Variants in NT5C2 observed in about 807,000 individuals in gnomAD.
NT5C2 encodes the protein 5'-nucleotidase, cytosolic II.
Under a neutral mutation model 76.1 loss-of-function variants are expected in NT5C2, and 58 were observed. The ratio of observed to expected loss-of-function variants is 0.76; its 90% confidence interval spans 0.62 to 0.95. The LOEUF is 0.95. Among genes scored for constraint, NT5C2 ranks in the 40% least tolerant of loss-of-function variants. The pLI, the probability that NT5C2 is intolerant of heterozygous loss-of-function variation, is 0.00. For synonymous variants in NT5C2, 229 were observed against 237.4 expected, an observed-to-expected ratio of 0.96 and a Z score of 0.32; for missense variants, 478 against 690.3, an observed-to-expected ratio of 0.69 and a Z score of 3.45.
chr10:103,112,236 A>G (rs2073202336), intron 4 of NT5C2, among the ~76,000 whole-genome samples: 1 of 152,226 alleles, frequency 6.6e-6, no homozygotes, highest in Non-Finnish European at 1.5e-5. Flanking sequence ...AATAAAGGAT[A>G]CAAATACCAG....
rs556412702 is a variant in NT5C2 at position 103,128,004 on chromosome 10, C to G, written c.175+11402G>C. 6.6e-5 allele frequency among the ~76,000 whole-genome samples: 10 copies of G among 151,462 alleles called. No homozygotes were observed. The East Asian group carries it at 1.9e-3, about 29-fold the overall frequency. Reference sequence around the variant, plus strand: ...CCACTGTACCCATACCCACCCCCTGCAAAAACAAACAAACAAAAACTGTAT... The same window carrying G: ...CCACTGTACCCATACCCACCCCCTGGAAAAACAAACAAACAAAAACTGTAT... On this transcript the variant is annotated intron_variant, in intron 4 of 18. Coordinates refer to ENST00000404739, the MANE Select transcript of NT5C2 (RefSeq NM_001351169.2).
intron 2 of NT5C2, chr10:103,175,912 G>C (rs1209079289): frequency 6.4e-6 from 1 of 156,478 alleles, no homozygotes; most frequent in African/African-American, 2.4e-5. Context: ...GCAGGAGCAA[G>C]GTGCCTGTAG....
Position 103,153,885 on chromosome 10 carries a change from A to AT in NT5C2, c.102-14407dup, listed in dbSNP as rs1295309231. ...TCATATTACAGGAGGAACCTAAAGT[A>AT]TTTCCACAGCGAGGTATTTTTTTTT... On this transcript the variant is annotated intron_variant, in intron 3 of 18. Transcript: ENST00000404739. 1.2e-5 allele frequency: 8 copies of AT among 688,172 alleles called. No homozygotes were observed. In the East Asian group the frequency reaches 9.4e-4, roughly 80 times the overall value. The allele number at this position is 688,172 out of a possible 1,614,324, so 42.6% of individuals were successfully genotyped here.
At chr10:103,160,098 G>A (rs1340023305) in intron 3 of NT5C2, among the ~76,000 whole-genome samples, 1 of 152,148 alleles carries the variant, frequency 6.6e-6, no homozygotes, top group Non-Finnish European at 1.5e-5. Context: ...ATACATCTAT[G>A]TTCAAATGAT....
chr10:103,108,902 G>A (rs527416462), intron 4 of NT5C2, among the ~76,000 whole-genome samples: 13 of 151,618 alleles, frequency 8.6e-5, no homozygotes, highest in African/African-American at 3.1e-4. Context: ...CCATTGCCCA[G>A]GCTGGAGTGC....
At chr10:103,183,277 A>ATTATATATATATATTTTATATATATATAT (rs1439401303) in intron 1 of NT5C2, among the ~76,000 whole-genome samples, 1 of 125,926 alleles carries the variant, frequency 7.9e-6, no homozygotes, top group African/African-American at 2.9e-5. Flanking sequence ...ATATATATAT[A>ATTATATATATATATTTTATATATATATAT]TATATATATA....
intron 1 of NT5C2, among the ~76,000 whole-genome samples, chr10:103,182,917 C>A (rs1388499749): frequency 1.3e-5 from 2 of 152,046 alleles, no homozygotes; most frequent in South Asian, 2.1e-4. Flanking sequence ...TCTTTGATAA[C>A]CCTAGTCCTT....
chr10:103,167,691 G>A (rs1198197573), intron 3 of NT5C2, among the ~76,000 whole-genome samples: 1 of 151,890 alleles, frequency 6.6e-6, no homozygotes, highest in African/African-American at 2.4e-5. Context: ...AAGTGCAGTG[G>A]CGCAATCATG....
At chr10:103,189,253 G>A (rs2092404528) in intron 1 of NT5C2, among the ~76,000 whole-genome samples, 1 of 152,076 alleles carries the variant, frequency 6.6e-6, no homozygotes, top group East Asian at 1.9e-4. Flanking sequence ...CAAACACACA[G>A]AAAATAATAT....
chr10:103,103,649 G>A (rs1022487947), intron 6 of NT5C2, among the ~76,000 whole-genome samples: 6 of 152,042 alleles, frequency 3.9e-5, no homozygotes, highest in African/African-American at 1.2e-4. Flanking sequence ...CACTTGGAAT[G>A]GGAAGAAAAC....
chr10:103,105,353 C>T (rs533484830), intron 6 of NT5C2: 24 of 912,002 alleles, frequency 2.6e-5, no homozygotes, highest in African/African-American at 3.6e-5. Context: ...TTTTTATATA[C>T]ATACCTCTTC....
intron 1 of NT5C2, among the ~76,000 whole-genome samples, chr10:103,189,292 CCTT>C (rs900314272): frequency 3.5e-4 from 54 of 152,144 alleles, no homozygotes; most frequent in African/African-American, 1.3e-3. Context: ...CTACTACCCA[CCTT>C]CTTTATCAAA....
chr10:103,092,899 T>TCTAAA (rs1386398463), intron 15 of NT5C2, among the ~76,000 whole-genome samples: 1 of 129,602 alleles, frequency 7.7e-6, no homozygotes, highest in African/African-American at 2.9e-5. Flanking sequence ...ACGCCAACAT[T>TCTAAA]CTAAACTTAA....
chr10:103,144,089 T>G (rs2081064588), intron 3 of NT5C2, among the ~76,000 whole-genome samples: 1 of 152,198 alleles, frequency 6.6e-6, no homozygotes, highest in Non-Finnish European at 1.5e-5. Context: ...CATAAATCCT[T>G]TTGAAAGTAC....
Position 103,101,112 on chromosome 10 carries a change from G to C in NT5C2, c.482-10C>G, listed in dbSNP as rs1218605627. 6.3e-7 allele frequency: 1 copy of C among 1,586,576 alleles called. No homozygotes were observed. Among genetic ancestry groups the C allele is most frequent in the East Asian group, 2.2e-5 (1 of 44,726 alleles). ...GCCAACAGGTAGGTCTCTGAAAAAT[G>C]AAGAACAGATATTCATAAGCTATAA... On this transcript the variant is annotated splice_polypyrimidine_tract_variant and intron_variant, in intron 7 of 18. Transcript: ENST00000404739.
At chr10:103,127,518 A>G (rs538099559) in intron 4 of NT5C2, among the ~76,000 whole-genome samples, 11 of 152,340 alleles carry the variant, frequency 7.2e-5, no homozygotes, top group African/African-American at 2.4e-4. Flanking sequence ...TATGTTACTG[A>G]ACACTATGTG....
rs531457693 is a variant in NT5C2 at position 103,100,841 on chromosome 10, C to T, written c.539+204G>A. On this transcript the variant is annotated intron_variant, in intron 8 of 18. Coordinates refer to ENST00000404739, the MANE Select transcript of NT5C2 (RefSeq NM_001351169.2). ...AGAAGTGGTGGCTGCAGCACACTGG[C>T]AAGGAGAGGGGCCGTGTGGGAGGTG... 5.2e-5 allele frequency: 35 copies of T among 674,530 alleles called. No individual in the cohort carries two copies. In the African/African-American group the frequency reaches 5.8e-4, roughly 11 times the overall value. 41.8% of individuals were successfully genotyped at this position (674,530 alleles called of 1,614,324 possible).
At chr10:103,129,590 C>T (rs1383642798) in intron 4 of NT5C2, among the ~76,000 whole-genome samples, 122 of 111,318 alleles carry the variant, frequency 1.1e-3, no homozygotes, top group East Asian at 2.4e-3. Flanking sequence ...GTCAGCCCCC[C>T]GCCCGGCCAG....
At chr10:103,134,723 G>A (rs550663051) in intron 4 of NT5C2, among the ~76,000 whole-genome samples, 18 of 152,256 alleles carry the variant, frequency 1.2e-4, no homozygotes, top group African/African-American at 2.2e-4. Flanking sequence ...AGCTTGCACC[G>A]TGCACCTGGA....
Sources: gnomAD v4.1 joint callset for allele counts (sites outside exome capture counted in the v4.1 genomes callset) on GRCh38, gnomAD v4.1.1 for gene constraint, MANE v1.5 for transcripts, NCBI Gene and HGNC (gene_info 2026-07-23, HGNC 2026-07-21) for gene names.